The following RNF216 variants were observed in gnomAD, a reference collection of about 807,000 sequenced individuals.
RNF216 encodes ring finger protein 216.
In RNF216, 72 loss-of-function variants were observed where a neutral mutation model predicts 110.8. The observed-to-expected ratio is 0.65, with a 90% CI of 0.54 to 0.79. The LOEUF (loss-of-function observed/expected upper bound fraction) is 0.79. Ranked by LOEUF, RNF216 falls within the 30% of genes least tolerant of loss-of-function variation. The pLI is 0.00. For missense variants in RNF216, 1,342 were observed against 1,141.2 expected, an observed-to-expected ratio of 1.18 and a Z score of -2.54; for synonymous variants, 495 against 407.5, an observed-to-expected ratio of 1.21 and a Z score of -2.59.
At chr7:5,681,847 T>G (rs1236121564) in intron 13 of RNF216, among the ~76,000 whole-genome samples, 1 of 152,016 alleles carries the variant, frequency 6.6e-6, no homozygotes, top group Non-Finnish European at 1.5e-5. Context: ...GGATAGGAGG[T>G]GAAAAGGCCA....
chr7:5,754,659 C>A (rs564628385), intron 2 of RNF216, among the ~76,000 whole-genome samples: 26 of 152,182 alleles, frequency 1.7e-4, no homozygotes, highest in African/African-American at 5.8e-4. Context: ...CCCCTGCACC[C>A]GCAGGAAATT....
In RNF216 at chr7:5,731,240, A is replaced by G. The variant is rs531683499; in HGVS notation, c.1122-423T>C. Among the ~76,000 whole-genome samples the G allele has an allele frequency of 2.6e-5, 4 of 152,376 alleles. No individual in the cohort carries two copies. In the East Asian group the frequency reaches 7.7e-4, roughly 29 times the overall value. ...ACAGTAAAAAACAGTCTGCTAAGAG[A>G]TGTAATAAATGAAATATAAAAGACC... On this transcript the variant is annotated intron_variant, in intron 5 of 16. Coordinates refer to ENST00000389902, the MANE Select transcript of RNF216 (RefSeq NM_207111.4).
At chr7:5,743,249 A>T (rs1413733626) in intron 3 of RNF216, among the ~76,000 whole-genome samples, 3 of 152,170 alleles carry the variant, frequency 2.0e-5, no homozygotes, top group Admixed American at 6.5e-5. Flanking sequence ...AGACAGAGCA[A>T]GACTCTGTCT....
At chr7:5,732,345 C>T (rs931770296) in intron 5 of RNF216, among the ~76,000 whole-genome samples, 3 of 152,208 alleles carry the variant, frequency 2.0e-5, no homozygotes, top group African/African-American at 4.8e-5. Flanking sequence ...AAACCAGACA[C>T]GGACTAGCTT....
In RNF216 at chr7:5,768,644, T is replaced by C. The variant is rs76638665; in HGVS notation, c.-69-7506A>G. ...AAAAGATAATTAGGTAATTCTGAAA[T>C]GTGAGAAATGAAGCAACTTTGTTTT... On this transcript the variant is annotated intron_variant, in intron 1 of 16. Transcript: ENST00000389902. Among the ~76,000 whole-genome samples the C allele has an allele frequency of 4.9e-3, 737 of 150,448 alleles. 3 individuals carry two copies. The highest frequency in any genetic ancestry group is 0.016 in the African/African-American group (657 of 41,050).
intron 14 of RNF216, among the ~76,000 whole-genome samples, chr7:5,642,347 G>A (rs750407958): frequency 4.6e-5 from 7 of 151,846 alleles, no homozygotes; most frequent in Non-Finnish European, 7.4e-5. Context: ...CCAAGTAGCT[G>A]GGATTACAGG....
chr7:5,723,332 T>C (rs1373758680), intron 8 of RNF216, among the ~76,000 whole-genome samples: 3 of 152,200 alleles, frequency 2.0e-5, no homozygotes, highest in Admixed American at 2.0e-4. Context: ...ATAAGATTTA[T>C]TTTCAGTCCT....
At chr7:5,745,893 T>TA (rs55943759) in intron 3 of RNF216, among the ~76,000 whole-genome samples, 103,107 of 130,006 alleles carry the variant, frequency 0.79, 41,397 homozygotes, top group East Asian at 0.95. Flanking sequence ...GAGACTGTCT[T>TA]AAAAAAAAAA....
intron 8 of RNF216, among the ~76,000 whole-genome samples, chr7:5,722,053 C>T (rs1793460867): frequency 6.6e-6 from 1 of 152,146 alleles, no homozygotes; most frequent in African/African-American, 2.4e-5. Context: ...TCCTGAGGAG[C>T]TGGGACTATA....
intron 13 of RNF216, among the ~76,000 whole-genome samples, chr7:5,707,381 A>G (rs935795296): frequency 7.9e-5 from 12 of 152,052 alleles, no homozygotes; most frequent in African/African-American, 2.7e-4. Context: ...AAGTATTCCA[A>G]CTTTTTTGAT....
intron 7 of RNF216, among the ~76,000 whole-genome samples, chr7:5,727,985 T>G (rs1225373872): frequency 6.6e-6 from 1 of 152,030 alleles, no homozygotes; most frequent in East Asian, 1.9e-4. Flanking sequence ...TTCCAAACTT[T>G]CTAGTCCATT....
chr7:5,631,408 A>C (rs1403118010), intron 15 of RNF216, among the ~76,000 whole-genome samples: 2 of 152,176 alleles, frequency 1.3e-5, no homozygotes, highest in Non-Finnish European at 2.9e-5. Context: ...TAAGCTGCAC[A>C]TGGGGGCCCA....
intron 2 of RNF216, among the ~76,000 whole-genome samples, chr7:5,756,283 C>T (rs1457826809): frequency 2.6e-5 from 4 of 152,198 alleles, no homozygotes; most frequent in Admixed American, 1.3e-4. Context: ...TCAATTAAAC[C>T]TCTTTCCGTC....
chr7:5,664,706 C>T (rs1174003080), intron 13 of RNF216, among the ~76,000 whole-genome samples: 1 of 152,206 alleles, frequency 6.6e-6, no homozygotes, highest in African/African-American at 2.4e-5. Context: ...CTGCACGCTT[C>T]CCCCACTGGC....
At chr7:5,676,358 A>C (rs1790297164) in intron 13 of RNF216, among the ~76,000 whole-genome samples, 2 of 152,182 alleles carry the variant, frequency 1.3e-5, no homozygotes, top group Non-Finnish European at 2.9e-5. Flanking sequence ...ATACCTTATA[A>C]TTTTATGCAA....
chr7:5,627,205 C>A (rs1263071276), intron 15 of RNF216, among the ~76,000 whole-genome samples: 1 of 152,172 alleles, frequency 6.6e-6, no homozygotes, highest in Non-Finnish European at 1.5e-5. Flanking sequence ...TGGCGGTAAA[C>A]TGGGACAAAC....
chr7:5,686,977 C>G (rs1447196775), intron 13 of RNF216, among the ~76,000 whole-genome samples: 1 of 152,174 alleles, frequency 6.6e-6, no homozygotes, highest in African/African-American at 2.4e-5. Flanking sequence ...CCTGTGTGGC[C>G]TGGGGATGGG....
Position 5,711,770 on chromosome 7 carries a change from G to C in RNF216, c.2052C>G (p.His684Gln). Residue 684 changes from histidine to glutamine, a missense_variant, in exon 13 of 17, where the codon CAC becomes CAG. Transcript: ENST00000389902. ...DVKRFSCPNP[H>Q]CRKETCRKCQ... ...AAATGTGCCTCCCTACCTTTCGGCAGTGAGGATTAGGACAGCTGAACCTCT... is the reference window on the plus strand; with the variant it reads ...AAATGTGCCTCCCTACCTTTCGGCACTGAGGATTAGGACAGCTGAACCTCT... The C allele has an allele frequency of 2.5e-6, 4 of 1,613,410 alleles. No homozygotes were observed. The highest frequency in any genetic ancestry group is 2.5e-6 in the Non-Finnish European group (3 of 1,179,706).
intron 1 of RNF216, among the ~76,000 whole-genome samples, chr7:5,772,862 T>C (rs1384553559): frequency 6.9e-6 from 1 of 144,464 alleles, no homozygotes; most frequent in African/African-American, 2.6e-5. Context: ...ACTGCAACCC[T>C]CTGCATCCCG....
Sources: gnomAD v4.1 joint callset for allele counts (sites outside exome capture counted in the v4.1 genomes callset) on GRCh38, gnomAD v4.1.1 for gene constraint, MANE v1.5 for transcripts, NCBI Gene and HGNC (gene_info 2026-07-23, HGNC 2026-07-21) for gene names.